The following NTNG1 variants were observed in gnomAD, a reference collection of about 807,000 sequenced individuals.
NTNG1 encodes the protein netrin G1.
NTNG1 carries 16 observed loss-of-function variants against 54.0 expected under a neutral mutation model. The observed-to-expected ratio is 0.30, with a 90% CI of 0.20 to 0.45. The LOEUF (loss-of-function observed/expected upper bound fraction) is 0.45, where lower values mean the gene tolerates loss of function less well. NTNG1 is among the 20% of genes least tolerant of loss of function. The probability of loss-of-function intolerance (pLI) is 1.00; values close to 1 mark genes in which losing one functional copy is unlikely to be tolerated. For missense variants in NTNG1, 530 were observed against 678.7 expected, an observed-to-expected ratio of 0.78 and a Z score of 2.43; for synonymous variants, 255 against 263.1, an observed-to-expected ratio of 0.97 and a Z score of 0.30.
intron 2 of NTNG1, among the ~76,000 whole-genome samples, chr1:107,160,746 C>G (rs910660520): frequency 1.3e-5 from 2 of 152,144 alleles, no homozygotes; most frequent in Non-Finnish European, 1.5e-5. Context: ...TCAGTCCTCT[C>G]TAGCTGCACC....
At position 107,484,655 on chromosome 1, in the gene NTNG1, C is replaced by T. The variant is rs1029220224; in HGVS notation, c.*3815C>T. 6.6e-6 allele frequency among the ~76,000 whole-genome samples: 1 copy of T among 152,188 alleles called. No homozygotes were observed. The highest frequency in any genetic ancestry group is 1.5e-5 in the Non-Finnish European group (1 of 68,032). ...GGCCCTGTAGTTAATGCTCCCCTCA[C>T]CTTCTCTTGGACCTGTGGTCTGACT... On this transcript the variant is annotated 3_prime_UTR_variant, in exon 8 of 8. Coordinates refer to ENST00000370068, the MANE Select transcript of NTNG1 (RefSeq NM_001113226.3).
chr1:107,264,250 C>T (rs949717195), intron 2 of NTNG1, among the ~76,000 whole-genome samples: 2 of 152,130 alleles, frequency 1.3e-5, no homozygotes, highest in Non-Finnish European at 2.9e-5. Context: ...ATTTTTGTAG[C>T]CATTGCTCTT....
intron 2 of NTNG1, among the ~76,000 whole-genome samples, chr1:107,255,848 T>G (rs1662898986): frequency 6.6e-6 from 1 of 152,208 alleles, no homozygotes; most frequent in Non-Finnish European, 1.5e-5. Flanking sequence ...TTTCTTAGCC[T>G]ATTCACACAT....
chr1:107,297,831 C>T lies in NTNG1; in HGVS notation c.247-26451C>T, dbSNP rs1369263353. On this transcript the variant is annotated intron_variant, in intron 2 of 7. Coordinates refer to ENST00000370068, the MANE Select transcript of NTNG1 (RefSeq NM_001113226.3). ...GATCTATTTCATGAAATAGAAGTCA[C>T]GTTTTTAGAAATTACCTACTTTTTA... 4.6e-5 allele frequency among the ~76,000 whole-genome samples: 7 copies of T among 152,036 alleles called. No individual in the cohort carries two copies. In the South Asian group the frequency reaches 1.0e-3, roughly 23 times the overall value.
At chr1:107,389,133 AC>A (rs1382220188) in intron 3 of NTNG1, among the ~76,000 whole-genome samples, 1 of 152,266 alleles carries the variant, frequency 6.6e-6, no homozygotes, top group Non-Finnish European at 1.5e-5. Context: ...AAAGCATATT[AC>A]CATGTGAACA....
intron 3 of NTNG1, among the ~76,000 whole-genome samples, chr1:107,386,229 G>T (rs1418612098): frequency 1.3e-5 from 2 of 149,686 alleles, no homozygotes; most frequent in African/African-American, 4.9e-5. Context: ...GAGTTCAATG[G>T]CATGATCTCG....
chr1:107,303,678 C>CT (rs147792107), intron 2 of NTNG1, among the ~76,000 whole-genome samples: 11,027 of 152,002 alleles, frequency 0.073, 557 homozygotes, highest in African/African-American at 0.14. Context: ...ATGAGTGTTT[C>CT]TTTTTTTGTT....
chr1:107,453,301 A>G (rs544850566), intron 7 of NTNG1, among the ~76,000 whole-genome samples: 2 of 152,334 alleles, frequency 1.3e-5, no homozygotes, highest in African/African-American at 4.8e-5. Flanking sequence ...ACCTATTCCT[A>G]GCTCCAACTT....
chr1:107,155,953 A>G (rs2101038651), intron 2 of NTNG1, among the ~76,000 whole-genome samples: 1 of 152,302 alleles, frequency 6.6e-6, no homozygotes, highest in South Asian at 2.1e-4. Context: ...CAGTATAGTG[A>G]CATGCTATAC....
rs1198162234 is a variant in NTNG1, at chr1:107,484,531, G to A, written c.*3691G>A. ...GACATTTGGGGTCGATCTGCCTGAGGTGCCCTTGAGTCAGATCCCTAAGTT... is the reference window on the plus strand; with the variant it reads ...GACATTTGGGGTCGATCTGCCTGAGATGCCCTTGAGTCAGATCCCTAAGTT... On this transcript the variant is annotated 3_prime_UTR_variant, in exon 8 of 8. Coordinates refer to ENST00000370068, the MANE Select transcript of NTNG1 (RefSeq NM_001113226.3). Among the ~76,000 whole-genome samples, 3 of 152,190 alleles carry A rather than the reference G, an allele frequency of 2.0e-5. No homozygotes were observed. The highest frequency in any genetic ancestry group is 7.2e-5 in the African/African-American group (3 of 41,454).
chr1:107,479,522 T>A (rs951895847), intron 7 of NTNG1, among the ~76,000 whole-genome samples: 1 of 152,324 alleles, frequency 6.6e-6, no homozygotes, highest in African/African-American at 2.4e-5. Flanking sequence ...AAAAGCTACT[T>A]TTTCTGCTCT....
At position 107,480,712 on chromosome 1, in the gene NTNG1, G is replaced by C. The variant is rs201187016; in HGVS notation, c.1492G>C (p.Glu498Gln). The change falls in exon 8 of 8, where the codon GAG becomes CAG. Residue 498 changes from glutamate to glutamine, a missense_variant. Coordinates refer to ENST00000370068, the MANE Select transcript of NTNG1 (RefSeq NM_001113226.3). Reference sequence around the variant, plus strand: ...GGCCGCATACACGGGCATCCTCTGCGAGAAGCTGCGGTGCGAGGAGGCTGG... The same window carrying C: ...GGCCGCATACACGGGCATCCTCTGCCAGAAGCTGCGGTGCGAGGAGGCTGG... ...CPAAYTGILCEKLRCEEAGSC... is the reference protein window; with the variant it reads ...CPAAYTGILCQKLRCEEAGSC... The C allele has an allele frequency of 1.1e-5, 18 of 1,611,276 alleles. No homozygotes were observed. Among genetic ancestry groups the C allele is most frequent in the Admixed American group, 1.7e-5 (1 of 59,936 alleles).
intron 2 of NTNG1, among the ~76,000 whole-genome samples, chr1:107,210,677 T>G (rs1659539381): frequency 6.6e-6 from 1 of 152,182 alleles, no homozygotes; most frequent in Admixed American, 6.6e-5. Flanking sequence ...TTAAGATTAC[T>G]TCAGGTGATT....
In NTNG1 at chr1:107,222,279, G is replaced by A. The variant is rs142198359; in HGVS notation, c.246+73440G>A. ...TACTGCAGACTGAAAGTTCTAAAAGGGTGAAGACTATATAACCTATTGGCT... is the reference window on the plus strand; with the variant it reads ...TACTGCAGACTGAAAGTTCTAAAAGAGTGAAGACTATATAACCTATTGGCT... On this transcript the variant is annotated intron_variant, in intron 2 of 7. Coordinates refer to ENST00000370068, the MANE Select transcript of NTNG1 (RefSeq NM_001113226.3). 3.5e-3 allele frequency among the ~76,000 whole-genome samples: 538 copies of A among 152,100 alleles called. 7 individuals carry two copies. Among genetic ancestry groups the A allele is most frequent in the African/African-American group, 0.012 (491 of 41,470 alleles).
At chr1:107,362,722 G>A (rs534811938) in intron 3 of NTNG1, among the ~76,000 whole-genome samples, 1 of 152,260 alleles carries the variant, frequency 6.6e-6, no homozygotes, top group African/African-American at 2.4e-5. Flanking sequence ...ACTGAAACAC[G>A]GCATATATGT....
intron 2 of NTNG1, among the ~76,000 whole-genome samples, chr1:107,169,431 T>G (rs1216666455): frequency 6.6e-6 from 1 of 152,088 alleles, no homozygotes; most frequent in Non-Finnish European, 1.5e-5. Context: ...GCCTAAATAG[T>G]GTACATTAGA....
intron 2 of NTNG1, among the ~76,000 whole-genome samples, chr1:107,292,177 G>C (rs1665647447): frequency 6.6e-6 from 1 of 152,208 alleles, no homozygotes; most frequent in Non-Finnish European, 1.5e-5. Flanking sequence ...GGGAATATAA[G>C]TGTGACCTTT....
At chr1:107,296,561 A>T (rs1192779622) in intron 2 of NTNG1, among the ~76,000 whole-genome samples, 2 of 149,354 alleles carry the variant, frequency 1.3e-5, no homozygotes. Flanking sequence ...ATATAATATA[A>T]ATATATACTA....
intron 2 of NTNG1, among the ~76,000 whole-genome samples, chr1:107,153,866 G>T (rs1004685990): frequency 2.0e-5 from 3 of 152,212 alleles, no homozygotes; most frequent in Non-Finnish European, 2.9e-5. Flanking sequence ...TGCATGGCTT[G>T]TTGGAGAGGT....
Sources: gnomAD v4.1 joint callset for allele counts (sites outside exome capture counted in the v4.1 genomes callset) on GRCh38, gnomAD v4.1.1 for gene constraint, MANE v1.5 for transcripts, NCBI Gene and HGNC (gene_info 2026-07-23, HGNC 2026-07-21) for gene names.